The following KLRC1 variants were observed in gnomAD, a reference collection of about 807,000 sequenced individuals.
KLRC1 encodes NKG2-A/NKG2-B type II integral membrane protein.
Under a neutral mutation model 25.9 loss-of-function variants are expected in KLRC1, and 22 were observed. The ratio of observed to expected loss-of-function variants is 0.85; its 90% CI spans 0.61 to 1.21. The LOEUF (loss-of-function observed/expected upper bound fraction) is 1.21, where lower values mean the gene tolerates loss of function less well. Among genes scored for constraint, KLRC1 ranks in the 50% most tolerant of loss-of-function variants. The pLI is 0.00. For synonymous variants in KLRC1, 77 were observed against 93.1 expected (o/e 0.83, Z 0.99); for missense variants, 240 against 272.2 (o/e 0.88, Z 0.83).
chr12:10,447,527 C>A lies in KLRC1; in HGVS notation c.590+5G>T, dbSNP rs763857714. On this transcript the variant is annotated splice_donor_5th_base_variant and intron_variant, in intron 6 of 6. Coordinates refer to ENST00000359151, the MANE Select transcript of KLRC1 (RefSeq NM_002259.5). ...TGTTATATAGCGCCATACAAAACAA[C>A]TTACTCATGTTTGAAAGCCAAACCA... The A allele has an allele frequency of 1.0e-5, 16 of 1,603,774 alleles. No individual in the cohort carries two copies. The highest frequency in any genetic ancestry group is 1.4e-5 in the Non-Finnish European group (16 of 1,172,984).
chr12:10,446,536 G>A lies in KLRC1; in HGVS notation c.*15C>T. 1 of 1,604,280 alleles carries A rather than the reference G, an allele frequency of 6.2e-7. No homozygotes were observed. The highest frequency in any genetic ancestry group is 8.5e-7 in the Non-Finnish European group (1 of 1,174,718). On this transcript the variant is annotated 3_prime_UTR_variant, in exon 7 of 7. Transcript: ENST00000359151. ...ACAATTTATCTGATGCACTGCAAAT[G>A]CAAACGCTTTACCTCTAAAGCTTAT...
downstream of KLRC1, among the ~76,000 whole-genome samples, chr12:10,445,588 T>G (rs1863968633): frequency 6.6e-6 from 1 of 151,952 alleles, no homozygotes; most frequent in Admixed American, 6.6e-5. Flanking sequence ...TGAAAATAAA[T>G]GAAAATAAAA....
chr12:10,450,952 A>T lies in KLRC1; in HGVS notation c.187+18T>A. 1 of 1,576,904 alleles carries T rather than the reference A, an allele frequency of 6.3e-7. No homozygotes were observed. On this transcript the variant is annotated intron_variant, in intron 2 of 6. Coordinates refer to ENST00000359151, the MANE Select transcript of KLRC1 (RefSeq NM_002259.5). Reference sequence around the variant, plus strand: ...CACATCCTAGACTGTTATATTGAGGATCTTTTAAATGCTTTACCTTTGCAG... The same window carrying T: ...CACATCCTAGACTGTTATATTGAGGTTCTTTTAAATGCTTTACCTTTGCAG...
chr12:10,449,963 T>A lies in KLRC1; in HGVS notation c.288A>T (p.Thr96=). Residue 96 remains threonine (T), a synonymous_variant, in exon 4 of 7, where the codon ACA becomes ACT. Coordinates refer to ENST00000359151, the MANE Select transcript of KLRC1 (RefSeq NM_002259.5). ...AAGAATTGTTGTGCCTCTGTATTAA[T>A]GTAGCTAGAAAAATTAAAGTAATCT... ...SVVTIVVIPS[T]LIQRHNNSSL... is the part of the protein sequence containing the mutation. 6.8e-7 allele frequency: 1 copy of A among 1,475,220 alleles called. No individual in the cohort carries two copies. Among genetic ancestry groups the A allele is most frequent in the Non-Finnish European group, 9.0e-7 (1 of 1,109,174 alleles). The allele number at this position is 1,475,220 out of a possible 1,614,324, so 91.4% of individuals were successfully genotyped here.
chr12:10,444,445 G>C (rs1186129361), downstream of KLRC1, among the ~76,000 whole-genome samples: 2 of 151,960 alleles, frequency 1.3e-5, no homozygotes, highest in African/African-American at 2.4e-5. Context: ...GCCTCCCAAA[G>C]TGCTGGGATT....
At position 10,449,279 on chromosome 12, in the gene KLRC1, C is replaced by T. The variant is rs759482275; in HGVS notation, c.447G>A (p.Ser149=). The T allele has an allele frequency of 7.4e-6, 12 of 1,613,796 alleles. No individual in the cohort carries two copies. The South Asian group carries it at 7.7e-5, about 10-fold the overall frequency. Residue 149 remains serine (S), a synonymous_variant, in exon 5 of 7, where the codon TCG becomes TCA. Coordinates refer to ENST00000359151, the MANE Select transcript of KLRC1 (RefSeq NM_002259.5). ...CTATAGAAAGCAGACTGGAGTTCTT[C>T]GAAGTACAGGCCAGCAAACTCTCTT... The part of the protein sequence containing the change: ...TWEESLLACT[S]KNSSLLSIDN...
At chr12:10,444,256 T>TA (rs1181843538), downstream of KLRC1, among the ~76,000 whole-genome samples, 3 of 141,976 alleles carry the variant, frequency 2.1e-5, no homozygotes, top group Non-Finnish European at 3.1e-5. Context: ...GAATAAACAG[T>TA]AAAAAATCAC....
upstream of KLRC1, chr12:10,453,515 CTT>C (rs923074480): frequency 7.0e-6 from 2 of 286,698 alleles, no homozygotes; most frequent in Non-Finnish European, 1.0e-5. Flanking sequence ...ACAAGGTTGA[CTT>C]TGAAAGTGTG....
At position 10,446,424 on chromosome 12, in the gene KLRC1, T is replaced by C. The variant is rs572676400; in HGVS notation, c.*127A>G. ...AATTGTGTGTATCCTGTTTCAATAA[T>C]TGATTTAGAATTTTCTTATTAGAGC... On this transcript the variant is annotated 3_prime_UTR_variant, in exon 7 of 7. Coordinates refer to ENST00000359151, the MANE Select transcript of KLRC1 (RefSeq NM_002259.5). 55 of 1,436,794 alleles carry C rather than the reference T, an allele frequency of 3.8e-5. No individual in the cohort carries two copies. The East Asian group carries it at 7.1e-4, about 19-fold the overall frequency. The allele number at this position is 1,436,794 out of a possible 1,614,324, so 89.0% of individuals were successfully genotyped here.
At position 10,446,627 on chromosome 12, in the gene KLRC1, G is replaced by C; in HGVS notation, c.626C>G (p.Ala209Gly). Residue 209 changes from alanine (A) to glycine (G), a missense_variant, in exon 7 of 7, where the codon GCA becomes GGA. Coordinates refer to ENST00000359151, the MANE Select transcript of KLRC1 (RefSeq NM_002259.5). ...KDSDNAELNC[A>G]VLQVNRLKSA... ...TTTAAGTCGATTTACTTGTAGCACT[G>C]CACAGTTAAGTTCAGCATTATCTGA... 6.2e-7 allele frequency: 1 copy of C among 1,613,842 alleles called. No individual in the cohort carries two copies. Among genetic ancestry groups the C allele is most frequent in the Non-Finnish European group, 8.5e-7 (1 of 1,179,850 alleles).
chr12:10,442,348 G>T, downstream of KLRC1: 1 of 438,882 alleles, frequency 2.3e-6, no homozygotes, highest in Non-Finnish European at 4.2e-6. Flanking sequence ...AAACATAAGG[G>T]AACAACAGAG....
intron 4 of KLRC1, 127 bp from the exon 5 acceptor site, chr12:10,449,515 A>C: frequency 6.8e-7 from 1 of 1,469,970 alleles, no homozygotes; most frequent in Non-Finnish European, 9.1e-7. Flanking sequence ...TGGGCTGGTA[A>C]ATATATAGTG....
chr12:10,450,057 T>C, intron 3 of KLRC1, 90 bp from the exon 4 acceptor site: 1 of 1,043,752 alleles, frequency 9.6e-7, no homozygotes, highest in South Asian at 2.1e-5. Context: ...TTTTGTATTA[T>C]TTAGAGTTAG....
rs750921247 is a variant in KLRC1, at chr12:10,446,720, A to G, written c.591-58T>C. On this transcript the variant is annotated intron_variant, in intron 6 of 6. Coordinates refer to ENST00000359151, the MANE Select transcript of KLRC1 (RefSeq NM_002259.5). Reference sequence around the variant, plus strand: ...TTTTAAGCAAATGATTCATGAGACGAAAGCATTTTCCATGTACTGTAAGAA... The same window carrying G: ...TTTTAAGCAAATGATTCATGAGACGGAAGCATTTTCCATGTACTGTAAGAA... 334 of 1,603,324 alleles carry G rather than the reference A, an allele frequency of 2.1e-4. 1 individual carries two copies. The highest frequency in any genetic ancestry group is 6.3e-4 in the Admixed American group (38 of 59,970).
In KLRC1 at chr12:10,446,665, G is replaced by T; in HGVS notation, c.591-3C>A. 6.2e-7 allele frequency: 1 copy of T among 1,613,092 alleles called. No individual in the cohort carries two copies. The highest frequency in any genetic ancestry group is 1.3e-5 in the African/African-American group (1 of 74,982). ...CAGCATTATCTGAGTCTTTTATCCT[G>T]TAATGGAGAAAAATCCATATTCTGT... On this transcript the variant is annotated splice_polypyrimidine_tract_variant and splice_region_variant and intron_variant, in intron 6 of 6. Coordinates refer to ENST00000359151, the MANE Select transcript of KLRC1 (RefSeq NM_002259.5).
At chr12:10,443,518 T>G (rs11053801), downstream of KLRC1, among the ~76,000 whole-genome samples, 106,478 of 138,044 alleles carry the variant, frequency 0.77, 45,836 homozygotes, top group East Asian at 0.96. Flanking sequence ...TACCTAATGC[T>G]ACAAGTTCAA....
chr12:10,443,840 A>C (rs1377544788), downstream of KLRC1, among the ~76,000 whole-genome samples: 1 of 139,712 alleles, frequency 7.2e-6, no homozygotes, highest in Admixed American at 6.9e-5. Context: ...CTAATTCAAC[A>C]TTAATTAATA....
downstream of KLRC1, among the ~76,000 whole-genome samples, chr12:10,445,372 G>C (rs574163071): frequency 2.3e-5 from 3 of 132,244 alleles, no homozygotes; most frequent in Admixed American, 2.1e-4. Context: ...TAATAAAAAT[G>C]TTACAATTGA....
chr12:10,450,889 C>A (rs961394891), intron 2 of KLRC1, 81 bp downstream of exon 2: 34 of 1,014,104 alleles, frequency 3.4e-5, no homozygotes, highest in Non-Finnish European at 4.4e-5. Context: ...TATATGAGCA[C>A]TCCCTTCTCT....
Sources: gnomAD v4.1 joint callset for allele counts (sites outside exome capture counted in the v4.1 genomes callset) on GRCh38, gnomAD v4.1.1 for gene constraint, MANE v1.5 for transcripts, NCBI Gene and HGNC (gene_info 2026-07-23, HGNC 2026-07-21) for gene names.